The following PTPRK variants were observed in gnomAD, a reference collection of about 807,000 sequenced individuals.
PTPRK encodes protein tyrosine phosphatase receptor type K, also known as receptor-type tyrosine-protein phosphatase kappa.
A neutral mutation model predicts 178.0 loss-of-function variants in PTPRK; 75 were observed. That is an observed-to-expected ratio of 0.42 (90% CI 0.35 to 0.51). The LOEUF is 0.51. Ranked by LOEUF, PTPRK falls within the 20% of genes least tolerant of loss-of-function variation. The pLI, the probability that PTPRK is intolerant of heterozygous loss-of-function variation, is 0.02. For missense variants in PTPRK, 1,441 were observed against 1,797.8 expected (o/e 0.80, Z 3.59); for synonymous variants, 637 against 620.6 (o/e 1.03, Z -0.39).
chr6:128,180,302 GA>G lies in PTPRK; in HGVS notation c.1162+4129del, dbSNP rs999337951. On this transcript the variant is annotated intron_variant, in intron 7 of 29. Coordinates refer to ENST00000368226, the MANE Select transcript of PTPRK (RefSeq NM_002844.4). ...TATACCCAGAGGAAATAGACACACA[GA>G]AAAAAAAAAAGCAAGCATACTTTCT... Among the ~76,000 whole-genome samples the G allele has an allele frequency of 2.1e-3, 304 of 142,944 alleles. 1 individual carries two copies. The highest frequency in any genetic ancestry group is 6.4e-3 in the African/African-American group (251 of 39,214). The allele number at this position is 142,944 out of a possible 152,430, so 93.8% of individuals were successfully genotyped here.
rs1026825795 is a variant in PTPRK at position 128,045,966 on chromosome 6, G to A, written c.2194+18792C>T. ...AAGAGAGACTTTAGCCTTGCAAACA[G>A]GTTGAAAATAATCTATTAGCTGTTA... On this transcript the variant is annotated intron_variant, in intron 13 of 29. Coordinates refer to ENST00000368226, the MANE Select transcript of PTPRK (RefSeq NM_002844.4). 2.0e-5 allele frequency among the ~76,000 whole-genome samples: 3 copies of A among 152,168 alleles called. No individual in the cohort carries two copies. The East Asian group carries it at 5.8e-4, about 29-fold the overall frequency.
At chr6:128,198,416 G>T (rs924227404) in intron 6 of PTPRK, among the ~76,000 whole-genome samples, 2 of 151,970 alleles carry the variant, frequency 1.3e-5, no homozygotes, top group African/African-American at 4.8e-5. Context: ...ACCTTGAGTT[G>T]AACAACGAGA....
chr6:128,176,949 C>A (rs1366696514), intron 7 of PTPRK, among the ~76,000 whole-genome samples: 1 of 151,414 alleles, frequency 6.6e-6, no homozygotes, highest in Non-Finnish European at 1.5e-5. Context: ...TCTGTCAGAA[C>A]CTGATTTAGA....
chr6:128,198,171 C>T (rs138651049), intron 6 of PTPRK, among the ~76,000 whole-genome samples: 3 of 152,196 alleles, frequency 2.0e-5, no homozygotes, highest in Non-Finnish European at 4.4e-5. Flanking sequence ...TTGTTTTATG[C>T]CACTAAGTTT....
chr6:128,233,393 G>T (rs1267829739), intron 5 of PTPRK, among the ~76,000 whole-genome samples: 1 of 152,184 alleles, frequency 6.6e-6, no homozygotes, highest in Non-Finnish European at 1.5e-5. Context: ...AATTTGCCTG[G>T]ACAGGTAACG....
chr6:128,349,649 G>C (rs923224638), intron 2 of PTPRK, among the ~76,000 whole-genome samples: 2 of 151,574 alleles, frequency 1.3e-5, no homozygotes, highest in African/African-American at 2.4e-5. Context: ...AAAAAAAAAA[G>C]AATAAAAAAA....
chr6:128,265,996 C>A (rs547835787), intron 3 of PTPRK, among the ~76,000 whole-genome samples: 1 of 152,042 alleles, frequency 6.6e-6, no homozygotes, highest in Non-Finnish European at 1.5e-5. Flanking sequence ...TGTCTATGAA[C>A]GAGAAAATAG....
intron 13 of PTPRK, 104 bp downstream of exon 13, chr6:128,064,654 A>G (rs1360846597): frequency 1.4e-6 from 2 of 1,437,212 alleles, no homozygotes; most frequent in Admixed American, 2.6e-5. Flanking sequence ...AGAACTAACT[A>G]TAACAGAAAT....
chr6:128,351,852 A>C (rs1477407663), intron 2 of PTPRK, among the ~76,000 whole-genome samples: 1 of 152,200 alleles, frequency 6.6e-6, no homozygotes, highest in African/African-American at 2.4e-5. Context: ...AGAGGGAATC[A>C]GATTTCTGGG....
chr6:128,010,014 T>C (rs1158030727), intron 13 of PTPRK, among the ~76,000 whole-genome samples: 3 of 151,184 alleles, frequency 2.0e-5, no homozygotes, highest in Non-Finnish European at 4.4e-5. Context: ...CTTTAACCCT[T>C]TTACAAGCCC....
intron 25 of PTPRK, among the ~76,000 whole-genome samples, chr6:127,978,531 T>G (rs938697870): frequency 3.3e-5 from 5 of 152,190 alleles, no homozygotes; most frequent in Admixed American, 6.5e-5. Flanking sequence ...TTAAAACTCT[T>G]TCCTTTATAA....
At chr6:128,301,029 G>C (rs1259451517) in intron 3 of PTPRK, among the ~76,000 whole-genome samples, 2 of 151,908 alleles carry the variant, frequency 1.3e-5, no homozygotes, top group African/African-American at 4.8e-5. Flanking sequence ...TCCCCAACAG[G>C]AGAGCTTTTT....
chr6:128,160,565 A>T (rs1166491733), intron 7 of PTPRK, among the ~76,000 whole-genome samples: 1 of 151,636 alleles, frequency 6.6e-6, no homozygotes, highest in African/African-American at 2.4e-5. Flanking sequence ...CAGAAATTTA[A>T]GTTATAGCAA....
rs2128448189 is a variant in PTPRK at position 128,519,942 on chromosome 6, C to G, written c.100+317G>C. 6.6e-6 allele frequency among the ~76,000 whole-genome samples: 1 copy of G among 152,296 alleles called. No homozygotes were observed. The highest frequency in any genetic ancestry group is 2.4e-5 in the African/African-American group (1 of 41,570). On this transcript the variant is annotated intron_variant, in intron 1 of 29. Transcript: ENST00000368226. This position sits in a 1 kb window ranked among gnomAD's most constrained non-coding sequence, Gnocchi z 4.3. The stretch of plus-strand genomic sequence containing the variant: ...AGCAACAGAGTGCCGTCACGGGAGT[C>G]GTAACTACTTTTTCTTTCTCTCTTC...
chr6:128,018,895 C>G (rs1416809885), intron 13 of PTPRK, among the ~76,000 whole-genome samples: 1 of 151,948 alleles, frequency 6.6e-6, no homozygotes, highest in Non-Finnish European at 1.5e-5. Context: ...CTGATGGGTA[C>G]AAAACATTGT....
At chr6:128,436,376 G>A (rs531102846) in intron 1 of PTPRK, among the ~76,000 whole-genome samples, 13 of 152,244 alleles carry the variant, frequency 8.5e-5, no homozygotes, top group South Asian at 2.1e-4. Context: ...AAAGTTTTGC[G>A]GAGGAGGAAT....
intron 3 of PTPRK, among the ~76,000 whole-genome samples, chr6:128,255,385 T>C (rs1269965912): frequency 1.3e-5 from 2 of 152,190 alleles, no homozygotes; most frequent in African/African-American, 4.8e-5. Context: ...AAAGCATTAA[T>C]TTTATTGGCA....
intron 7 of PTPRK, among the ~76,000 whole-genome samples, chr6:128,183,643 C>G (rs980870422): frequency 1.3e-5 from 2 of 151,974 alleles, no homozygotes; most frequent in Non-Finnish European, 2.9e-5. Flanking sequence ...AACAGATGCT[C>G]AAGAAACAAA....
At chr6:128,414,403 GT>G (rs1842620459) in intron 1 of PTPRK, among the ~76,000 whole-genome samples, 1 of 152,092 alleles carries the variant, frequency 6.6e-6, no homozygotes, top group African/African-American at 2.4e-5. Context: ...ACCCTGCAAT[GT>G]TTAATTATTC....
Sources: allele counts gnomAD v4.1 joint callset (sites outside exome capture counted in the v4.1 genomes callset), GRCh38; gene constraint gnomAD v4.1.1; non-coding constraint Gnocchi (gnomAD v3.1); transcripts MANE v1.5; gene names NCBI Gene and HGNC (gene_info 2026-07-23, HGNC 2026-07-21).